The following CEP112 variants were observed in gnomAD, a reference collection of about 807,000 sequenced individuals.
CEP112 encodes the protein centrosomal protein 112, also known as centrosomal protein of 112 kDa.
In CEP112, 127 loss-of-function variants were observed where a neutral mutation model predicts 153.0. The observed-to-expected ratio is 0.83, with a 90% CI of 0.72 to 0.96. CEP112 has a LOEUF of 0.96. Ranked by LOEUF, CEP112 falls within the 40% of genes least tolerant of loss-of-function variation. The pLI is 0.00. For synonymous variants in CEP112, 358 were observed against 374.4 expected (o/e 0.96, Z 0.51); for missense variants, 1,089 against 1,101.2 (o/e 0.99, Z 0.16).
intron 21 of CEP112, among the ~76,000 whole-genome samples, chr17:65,785,873 T>C (rs965934711): frequency 5.9e-5 from 9 of 152,276 alleles, no homozygotes; most frequent in Admixed American, 5.9e-4. Context: ...AGCTTTACTC[T>C]TTTGCATATG....
intron 6 of CEP112, among the ~76,000 whole-genome samples, chr17:66,106,609 T>C (rs190528363): frequency 6.6e-6 from 1 of 152,088 alleles, no homozygotes; most frequent in East Asian, 1.9e-4. Context: ...ATCTAAAACC[T>C]GACCAGAACA....
chr17:65,712,186 G>C (rs982326490), intron 23 of CEP112, among the ~76,000 whole-genome samples: 9 of 152,068 alleles, frequency 5.9e-5, no homozygotes, highest in African/African-American at 2.2e-4. Flanking sequence ...TTAATGGATA[G>C]GTACTTGAAT....
intron 20 of CEP112, among the ~76,000 whole-genome samples, chr17:65,856,857 A>G (rs2058136572): frequency 6.6e-6 from 1 of 152,024 alleles, no homozygotes; most frequent in Non-Finnish European, 1.5e-5. Context: ...ATACTGTTCT[A>G]TATTTTCACA....
At chr17:65,799,526 G>C (rs1353040155) in intron 21 of CEP112, among the ~76,000 whole-genome samples, 1 of 152,182 alleles carries the variant, frequency 6.6e-6, no homozygotes, top group Non-Finnish European at 1.5e-5. Context: ...AAAATGAATA[G>C]AAGTCCAGTT....
chr17:65,883,558 C>A (rs1003242070), intron 20 of CEP112, among the ~76,000 whole-genome samples: 2 of 152,076 alleles, frequency 1.3e-5, no homozygotes, highest in African/African-American at 4.8e-5. Context: ...AGAGACAGGG[C>A]TTCACCATGT....
chr17:66,182,709 T>C (rs1457518144), intron 2 of CEP112, among the ~76,000 whole-genome samples: 3 of 152,174 alleles, frequency 2.0e-5, no homozygotes, highest in Non-Finnish European at 4.4e-5. Context: ...AGGCCAGGAA[T>C]TGGAGACAAG....
chr17:65,839,354 A>G (rs773183404), intron 21 of CEP112, among the ~76,000 whole-genome samples: 4 of 152,162 alleles, frequency 2.6e-5, no homozygotes, highest in Non-Finnish European at 5.9e-5. Flanking sequence ...ATGATTCAAC[A>G]TAAATATATC....
chr17:65,971,836 G>T (rs1310926525), intron 17 of CEP112, among the ~76,000 whole-genome samples: 1 of 152,024 alleles, frequency 6.6e-6, no homozygotes, highest in African/African-American at 2.4e-5. Context: ...ACTAAAGAAA[G>T]TAAATTTACA....
intron 20 of CEP112, among the ~76,000 whole-genome samples, chr17:65,893,187 C>A (rs1400982771): frequency 6.6e-6 from 1 of 152,050 alleles, no homozygotes; most frequent in East Asian, 1.9e-4. Context: ...CTCCTCGAGA[C>A]TAGTGCAGCA....
chr17:65,949,817 T>C (rs180798092), intron 18 of CEP112, among the ~76,000 whole-genome samples: 4 of 152,306 alleles, frequency 2.6e-5, no homozygotes, highest in East Asian at 3.9e-4. Context: ...ATCCTCATTT[T>C]GTCTGGATAG....
chr17:66,068,262 CAAA>C (rs1250858093), intron 9 of CEP112, among the ~76,000 whole-genome samples: 1 of 151,842 alleles, frequency 6.6e-6, no homozygotes, highest in Non-Finnish European at 1.5e-5. Flanking sequence ...CCCATACACC[CAAA>C]AGTCAGCTTA....
At chr17:65,743,770 A>AT (rs1555636812) in intron 22 of CEP112, among the ~76,000 whole-genome samples, 1 of 150,250 alleles carries the variant, frequency 6.7e-6, no homozygotes, top group Admixed American at 6.6e-5. Flanking sequence ...TTTAATTTTA[A>AT]TTTTTTTTGA....
At chr17:66,039,340 GGTTA>G (rs956702319) in intron 12 of CEP112, among the ~76,000 whole-genome samples, 9 of 152,036 alleles carry the variant, frequency 5.9e-5, no homozygotes, top group Non-Finnish European at 5.9e-5. Context: ...AATTAAAAAG[GGTTA>G]GTATTAGGCA....
chr17:66,054,616 A>T (rs962892329), intron 11 of CEP112, among the ~76,000 whole-genome samples: 1 of 152,206 alleles, frequency 6.6e-6, no homozygotes, highest in Non-Finnish European at 1.5e-5. Context: ...CTGTGCTCCC[A>T]GCCCTGTGGG....
At chr17:65,700,529 A>G (rs533205258) in intron 23 of CEP112, among the ~76,000 whole-genome samples, 33 of 152,276 alleles carry the variant, frequency 2.2e-4, no homozygotes, top group African/African-American at 7.5e-4. Context: ...GCATGGTGGC[A>G]TAGACCTGCA....
At chr17:65,794,247 C>T (rs1022345880) in intron 21 of CEP112, among the ~76,000 whole-genome samples, 8 of 152,080 alleles carry the variant, frequency 5.3e-5, no homozygotes, top group African/African-American at 1.9e-4. Context: ...TGTACGCATC[C>T]CCATGACAAA....
At chr17:65,668,535 C>T (rs1049382630) in intron 24 of CEP112, among the ~76,000 whole-genome samples, 1 of 152,034 alleles carries the variant, frequency 6.6e-6, no homozygotes, top group East Asian at 1.9e-4. Context: ...AATTCATAAC[C>T]GCGAGGGCAG....
At chr17:65,990,656 A>T (rs538353990) in intron 17 of CEP112, among the ~76,000 whole-genome samples, 17 of 152,250 alleles carry the variant, frequency 1.1e-4, no homozygotes, top group Non-Finnish European at 2.5e-4. Flanking sequence ...CCTTGCCACC[A>T]CAAGCTGGAG....
rs1568313848 is a variant in CEP112, at chr17:65,970,396, G to GCACACATCATGCATATATATTA, written c.1737-8799_1737-8798insTAATATATATGCATGATGTGTG. On this transcript the variant is annotated intron_variant, in intron 17 of 26. Coordinates refer to ENST00000535342, the MANE Select transcript of CEP112 (RefSeq NM_001199165.4). ...CACACATCATGCATATATATTACAT[G>GCACACATCATGCATATATATTA]CATGCACACATCATGCATGTATATT... Among the ~76,000 whole-genome samples the GCACACATCATGCATATATATTA allele has an allele frequency of 5.4e-3, 17 of 3,136 alleles. 1 individual carries two copies. The highest frequency in any genetic ancestry group is 7.6e-3 in the Non-Finnish European group (11 of 1,456). The allele number at this position is 3,136 out of a possible 152,430, so 2.1% of individuals were successfully genotyped here.
Sources: gnomAD v4.1 joint callset for allele counts (sites outside exome capture counted in the v4.1 genomes callset) on GRCh38, gnomAD v4.1.1 for gene constraint, MANE v1.5 for transcripts, NCBI Gene and HGNC (gene_info 2026-07-23, HGNC 2026-07-21) for gene names.